MB21D2: variants seen among roughly 807,000 people sequenced by gnomAD.
MB21D2 encodes the protein Mab-21 domain containing 2, also known as nucleotidyltransferase MB21D2.
Under a neutral mutation model 33.3 loss-of-function variants are expected in MB21D2, and 9 were observed. The ratio of observed to expected loss-of-function variants is 0.27; its 90% CI spans 0.16 to 0.47. The LOEUF (loss-of-function observed/expected upper bound fraction) is 0.47, where lower values mean the gene tolerates loss of function less well. Ranked by LOEUF, MB21D2 falls within the 20% of genes least tolerant of loss-of-function variation. MB21D2 has a pLI of 0.99. For synonymous variants in MB21D2, 241 were observed against 236.3 expected, an observed-to-expected ratio of 1.02 and a Z score of -0.18; for missense variants, 540 against 624.6, an observed-to-expected ratio of 0.86 and a Z score of 1.44.
At chr3:192,860,631 A>ACAGTCTGCACATGGTGC (rs1424252982) in intron 1 of MB21D2, among the ~76,000 whole-genome samples, 1 of 152,204 alleles carries the variant, frequency 6.6e-6, no homozygotes, top group East Asian at 1.9e-4. Flanking sequence ...ATATGCAGAG[A>ACAGTCTGCACATGGTGC]CAGTCTGCAC....
intron 1 of MB21D2, among the ~76,000 whole-genome samples, chr3:192,860,642 A>G (rs1179668565): frequency 6.6e-6 from 1 of 152,184 alleles, no homozygotes; most frequent in African/African-American, 2.4e-5. Context: ...CAGTCTGCAC[A>G]TGGTGCCAGC....
chr3:192,903,264 C>G (rs950570376), intron 1 of MB21D2, among the ~76,000 whole-genome samples: 2 of 152,200 alleles, frequency 1.3e-5, no homozygotes, highest in Non-Finnish European at 2.9e-5. Flanking sequence ...ATTTACATAA[C>G]CTCCATTCCG....
intron 1 of MB21D2, among the ~76,000 whole-genome samples, chr3:192,880,967 G>C (rs79002534): frequency 0.023 from 3,547 of 151,848 alleles, 68 homozygotes; most frequent in Non-Finnish European, 0.033. Context: ...TATAAAGAAT[G>C]TACACACAAA....
chr3:192,893,113 C>T (rs1252466863), intron 1 of MB21D2, among the ~76,000 whole-genome samples: 1 of 152,130 alleles, frequency 6.6e-6, no homozygotes, highest in Non-Finnish European at 1.5e-5. Flanking sequence ...AGCTTTTGCA[C>T]CACCAAAAGC....
At chr3:192,882,806 C>T (rs1713634422) in intron 1 of MB21D2, among the ~76,000 whole-genome samples, 1 of 151,680 alleles carries the variant, frequency 6.6e-6, no homozygotes, top group African/African-American at 2.4e-5. Flanking sequence ...ACGATCTTGG[C>T]TCACTGCAAC....
At chr3:192,870,767 A>G (rs1405200962) in intron 1 of MB21D2, among the ~76,000 whole-genome samples, 1 of 102,542 alleles carries the variant, frequency 9.8e-6, no homozygotes, top group Non-Finnish European at 1.9e-5. Flanking sequence ...AAAGGCTAAC[A>G]AGTTCGAGGA....
chr3:192,887,411 T>C (rs1278046489), intron 1 of MB21D2, among the ~76,000 whole-genome samples: 1 of 152,150 alleles, frequency 6.6e-6, no homozygotes, highest in Non-Finnish European at 1.5e-5. Flanking sequence ...TTCTTGAAAT[T>C]GATTGCACAA....
chr3:192,838,046 C>T (rs897252477), intron 1 of MB21D2, among the ~76,000 whole-genome samples: 16 of 152,266 alleles, frequency 1.1e-4, no homozygotes, highest in Non-Finnish European at 2.2e-4. Flanking sequence ...CCTGCACAGG[C>T]TCTCTCATGA....
intron 1 of MB21D2, among the ~76,000 whole-genome samples, chr3:192,887,393 GAA>G (rs1713755905): frequency 1.3e-5 from 2 of 152,222 alleles, no homozygotes; most frequent in South Asian, 2.1e-4. Context: ...TTTACAAGAT[GAA>G]AAGAGTTCTT....
At chr3:192,873,552 T>C (rs1713364225) in intron 1 of MB21D2, among the ~76,000 whole-genome samples, 1 of 152,146 alleles carries the variant, frequency 6.6e-6, no homozygotes, top group South Asian at 2.1e-4. Context: ...ATCCCACTCC[T>C]ACCATTCAGC....
intron 1 of MB21D2, among the ~76,000 whole-genome samples, chr3:192,801,293 G>T (rs1054609005): frequency 6.6e-6 from 1 of 152,094 alleles, no homozygotes; most frequent in Non-Finnish European, 1.5e-5. Context: ...GCGTCATCCT[G>T]TGATTTATTT....
At chr3:192,879,133 C>T (rs1208690119) in intron 1 of MB21D2, among the ~76,000 whole-genome samples, 2 of 152,226 alleles carry the variant, frequency 1.3e-5, no homozygotes, top group Non-Finnish European at 2.9e-5. Context: ...AAAATCCACA[C>T]ATCAGGGGCT....
chr3:192,847,736 C>A (rs1027877423), intron 1 of MB21D2, among the ~76,000 whole-genome samples: 1 of 152,134 alleles, frequency 6.6e-6, no homozygotes, highest in Non-Finnish European at 1.5e-5. Context: ...TATTAACTGG[C>A]TAAAACATCC....
At chr3:192,915,858 A>G (rs1054397806) in intron 1 of MB21D2, among the ~76,000 whole-genome samples, 1 of 152,268 alleles carries the variant, frequency 6.6e-6, no homozygotes, top group East Asian at 1.9e-4. Flanking sequence ...GTGGTGACCC[A>G]GTACCTTCTT....
At chr3:192,844,980 G>A (rs1213077818) in intron 1 of MB21D2, among the ~76,000 whole-genome samples, 4 of 152,090 alleles carry the variant, frequency 2.6e-5, no homozygotes, top group South Asian at 4.2e-4. Flanking sequence ...TGCCCCTTTC[G>A]TTCCCACTTG....
At chr3:192,828,617 T>C (rs1326861704) in intron 1 of MB21D2, among the ~76,000 whole-genome samples, 683 of 12,612 alleles carry the variant, frequency 0.054, 126 homozygotes, top group South Asian at 0.073. Context: ...TATATATATA[T>C]ATATATATAT....
At chr3:192,861,945 G>A (rs1204913121) in intron 1 of MB21D2, among the ~76,000 whole-genome samples, 1 of 152,222 alleles carries the variant, frequency 6.6e-6, no homozygotes, top group Non-Finnish European at 1.5e-5. Flanking sequence ...TGGGGCAACA[G>A]GCCAGGTACA....
intron 1 of MB21D2, among the ~76,000 whole-genome samples, chr3:192,838,814 C>T (rs1397190016): frequency 6.6e-6 from 1 of 152,188 alleles, no homozygotes; most frequent in East Asian, 1.9e-4. Context: ...AAAATACATA[C>T]ATGATTTTGA....
chr3:192,873,989 C>A (rs1713376654), intron 1 of MB21D2, among the ~76,000 whole-genome samples: 1 of 152,180 alleles, frequency 6.6e-6, no homozygotes, highest in African/African-American at 2.4e-5. Flanking sequence ...CATTTATTCT[C>A]TTCACTTTGG....
Sources: gnomAD v4.1 joint callset for allele counts (sites outside exome capture counted in the v4.1 genomes callset) on GRCh38, gnomAD v4.1.1 for gene constraint, MANE v1.5 for transcripts, NCBI Gene and HGNC (gene_info 2026-07-23, HGNC 2026-07-21) for gene names.